SHROOM3: variants seen among roughly 807,000 people sequenced by gnomAD.
The protein encoded by SHROOM3 is protein Shroom3.
SHROOM3 carries 47 observed loss-of-function variants against 138.6 expected under a neutral mutation model. That is an observed-to-expected ratio of 0.34 (90% confidence interval 0.27 to 0.43). SHROOM3 has a LOEUF of 0.43. Among genes scored for constraint, SHROOM3 ranks in the 20% least tolerant of loss-of-function variants. SHROOM3 has a pLI of 1.00. For missense variants in SHROOM3, 2,491 were observed against 2,596.5 expected, an observed-to-expected ratio of 0.96 and a Z score of 0.88; for synonymous variants, 1,062 against 1,063.3, an observed-to-expected ratio of 1.00 and a Z score of 0.02.
chr4:76,480,810 G>T (rs1286117199), intron 1 of SHROOM3, among the ~76,000 whole-genome samples: 1 of 152,152 alleles, frequency 6.6e-6, no homozygotes, highest in Non-Finnish European at 1.5e-5. Context: ...AATCAAACTA[G>T]AACTCAGGAT....
rs2109801875 is a variant in SHROOM3, at chr4:76,780,628, T to C, written c.*1451T>C. The C allele has an allele frequency of 6.6e-6, 1 of 152,254 alleles. No homozygotes were observed. Among genetic ancestry groups the C allele is most frequent in the East Asian group, 1.9e-4 (1 of 5,190 alleles). The allele number at this position is 152,254 out of a possible 1,614,324, so 9.4% of individuals were successfully genotyped here. On this transcript the variant is annotated 3_prime_UTR_variant, in exon 11 of 11. Transcript: ENST00000296043. ...TGAAGTTTTATCTCCTATGTAAGAA[T>C]ATCAAAATTGTAGTTTGGGTCTCCA...
At chr4:76,738,384 GACAC>G (rs1721138738) in intron 4 of SHROOM3, among the ~76,000 whole-genome samples, 1 of 152,146 alleles carries the variant, frequency 6.6e-6, no homozygotes, top group South Asian at 2.1e-4. Context: ...AGCCCCAGTA[GACAC>G]ACAGTTTCAG....
chr4:76,501,047 C>T (rs34001342), intron 1 of SHROOM3, among the ~76,000 whole-genome samples: 26,795 of 152,052 alleles, frequency 0.18, 2,748 homozygotes, highest in African/African-American at 0.27. Flanking sequence ...GAGCTCCTGG[C>T]CCTCAAGAAA....
At chr4:76,511,656 G>A (rs1732339042) in intron 1 of SHROOM3, among the ~76,000 whole-genome samples, 1 of 152,218 alleles carries the variant, frequency 6.6e-6, no homozygotes, top group Non-Finnish European at 1.5e-5. Context: ...GGGAGGATTT[G>A]CAGTATGGGG....
chr4:76,554,843 A>G (rs1733446919), intron 1 of SHROOM3, among the ~76,000 whole-genome samples: 1 of 151,994 alleles, frequency 6.6e-6, no homozygotes, highest in South Asian at 2.1e-4. Context: ...ATTTGTATTT[A>G]CAGCTGCTCC....
intron 2 of SHROOM3, among the ~76,000 whole-genome samples, chr4:76,705,922 G>A (rs1181234962): frequency 6.6e-6 from 1 of 152,152 alleles, no homozygotes; most frequent in African/African-American, 2.4e-5. Flanking sequence ...GAACAACACA[G>A]GGGGATTGGG....
intron 1 of SHROOM3, among the ~76,000 whole-genome samples, chr4:76,521,302 ATG>A (rs1282356235): frequency 1.3e-5 from 2 of 152,038 alleles, no homozygotes; most frequent in Non-Finnish European, 2.9e-5. Flanking sequence ...GTGCGCACAT[ATG>A]TGTGTGTGTG....
At chr4:76,660,043 G>A (rs539863768) in intron 2 of SHROOM3, among the ~76,000 whole-genome samples, 69 of 152,152 alleles carry the variant, frequency 4.5e-4, no homozygotes, top group Admixed American at 9.2e-4. Context: ...CACCAGACTC[G>A]AGAGTGTGAA....
chr4:76,534,078 A>G (rs763457437), intron 1 of SHROOM3, among the ~76,000 whole-genome samples: 2 of 152,210 alleles, frequency 1.3e-5, no homozygotes, highest in Admixed American at 6.5e-5. Flanking sequence ...TAAAGAGATT[A>G]TGTATGAAAA....
chr4:76,675,463 C>T (rs1208864680), intron 2 of SHROOM3, among the ~76,000 whole-genome samples: 1 of 152,148 alleles, frequency 6.6e-6, no homozygotes, highest in African/African-American at 2.4e-5. Context: ...CTATTATCTA[C>T]CATGCCTTGT....
intron 2 of SHROOM3, among the ~76,000 whole-genome samples, chr4:76,555,977 A>G (rs557222684): frequency 2.3e-4 from 35 of 152,112 alleles, no homozygotes; most frequent in Admixed American, 2.0e-3. Context: ...CTTTCAGAAC[A>G]CTCATTTCCC....
At chr4:76,469,371 G>A (rs367595984) in intron 1 of SHROOM3, among the ~76,000 whole-genome samples, 1 of 152,150 alleles carries the variant, frequency 6.6e-6, no homozygotes, top group Non-Finnish European at 1.5e-5. Context: ...TAAGGGATGT[G>A]TAGTAAGCTG....
intron 3 of SHROOM3, among the ~76,000 whole-genome samples, chr4:76,711,561 C>A (rs752901845): frequency 6.6e-6 from 1 of 152,104 alleles, no homozygotes; most frequent in Non-Finnish European, 1.5e-5. Flanking sequence ...GGCATACTGG[C>A]ACACACCTGT....
chr4:76,728,826 G>GGTAA (rs1375614028), intron 3 of SHROOM3, among the ~76,000 whole-genome samples: 13 of 152,096 alleles, frequency 8.5e-5, no homozygotes, highest in Non-Finnish European at 2.9e-5. Context: ...CTGTGACCAT[G>GGTAA]GTAAGTCTCA....
rs181139715 is a variant in SHROOM3, at chr4:76,582,435, A to G, written c.323+26672A>G. On this transcript the variant is annotated intron_variant, in intron 2 of 10. Coordinates refer to ENST00000296043, the MANE Select transcript of SHROOM3 (RefSeq NM_020859.4). The stretch of plus-strand genomic sequence containing the variant: ...CATTATTTTGTGCAGCTTTCCCACC[A>G]TAGACCTTCATCTCTAATCCCAAAC... Among the ~76,000 whole-genome samples, 298 of 152,294 alleles carry G rather than the reference A, an allele frequency of 2.0e-3. 2 individuals are homozygous for G. Among genetic ancestry groups the G allele is most frequent in the African/African-American group, 6.9e-3 (285 of 41,572 alleles).
At chr4:76,470,570 C>A (rs948142346) in intron 1 of SHROOM3, among the ~76,000 whole-genome samples, 1 of 152,088 alleles carries the variant, frequency 6.6e-6, no homozygotes, top group Non-Finnish European at 1.5e-5. Flanking sequence ...GAGCTGAAAG[C>A]TGTGATTGCA....
chr4:76,759,423 CT>C (rs1326171263), intron 8 of SHROOM3, 121 bp from the exon 9 acceptor site: 10 of 1,342,680 alleles, frequency 7.4e-6, no homozygotes, highest in Non-Finnish European at 1.1e-5. Context: ...CTAGTTTATC[CT>C]AATTTCTGGG....
chr4:76,521,070 T>C (rs1001712375), intron 1 of SHROOM3, among the ~76,000 whole-genome samples: 2 of 152,250 alleles, frequency 1.3e-5, no homozygotes. Context: ...GCAAATCATA[T>C]GCCTTCATTA....
At chr4:76,756,300 C>T in intron 7 of SHROOM3, 149 bp from the exon 8 acceptor site, 1 of 947,198 alleles carries the variant, frequency 1.1e-6, no homozygotes, top group Non-Finnish European at 1.6e-6. Flanking sequence ...TTAGCTCTGT[C>T]AGTAACATGT....
Sources: gnomAD v4.1 joint callset for allele counts (sites outside exome capture counted in the v4.1 genomes callset) on GRCh38, gnomAD v4.1.1 for gene constraint, MANE v1.5 for transcripts, NCBI Gene and HGNC (gene_info 2026-07-23, HGNC 2026-07-21) for gene names.